SMYD1: variants seen among roughly 807,000 people sequenced by gnomAD.
SMYD1 encodes SET and MYND domain containing 1, also known as histone-lysine N-methyltransferase SMYD1.
A neutral mutation model predicts 54.0 loss-of-function variants in SMYD1; 49 were observed. The ratio of observed to expected loss-of-function variants is 0.91; its 90% CI spans 0.72 to 1.15. The LOEUF (loss-of-function observed/expected upper bound fraction) is 1.15, where lower values mean the gene tolerates loss of function less well. SMYD1 is among the 50% of genes most tolerant of loss of function. SMYD1 has a pLI of 0.00. For missense variants in SMYD1, 653 were observed against 639.6 expected (o/e 1.02, Z -0.23); for synonymous variants, 269 against 234.2 (o/e 1.15, Z -1.36).
Position 88,111,102 on chromosome 2 carries a change from G to C in SMYD1, c.*590G>C, listed in dbSNP as rs1262604128. 2 of 152,490 alleles carry C rather than the reference G, an allele frequency of 1.3e-5. No homozygotes were observed. The highest frequency in any genetic ancestry group is 4.8e-5 in the African/African-American group (2 of 41,454). 9.4% of individuals were successfully genotyped at this position (152,490 alleles called of 1,614,324 possible). A position where few individuals can be genotyped will look rare whatever the true frequency, so the allele number is the denominator to read the frequency against. On this transcript the variant is annotated 3_prime_UTR_variant, in exon 10 of 10. Transcript: ENST00000419482. ...TGTGGAGTTTTGAAGAAGGGGCTGT[G>C]TTTGGGCCACGTAGGCTCTACTCAG...
chr2:88,100,005 C>T (rs918282788), intron 6 of SMYD1, among the ~76,000 whole-genome samples: 12 of 150,678 alleles, frequency 8.0e-5, no homozygotes, highest in Non-Finnish European at 1.5e-4. Flanking sequence ...TGGCTCCTCC[C>T]CCAGCCCCTC....
chr2:88,083,230 C>T (rs1055553403), intron 1 of SMYD1: 22 of 152,182 alleles, frequency 1.4e-4, no homozygotes, highest in African/African-American at 5.3e-4. Flanking sequence ...GTGAGGATTT[C>T]TCTTCCCCAC....
intron 1 of SMYD1, among the ~76,000 whole-genome samples, chr2:88,071,904 C>G (rs1049154945): frequency 4.0e-5 from 6 of 151,682 alleles, no homozygotes; most frequent in African/African-American, 1.5e-4. Context: ...ATCCTCCTAG[C>G]TTCTACATAG....
chr2:88,073,986 C>T (rs1398806096), intron 1 of SMYD1, among the ~76,000 whole-genome samples: 1 of 152,054 alleles, frequency 6.6e-6, no homozygotes, highest in Non-Finnish European at 1.5e-5. Flanking sequence ...ATAACAGATG[C>T]TCAATAAATA....
chr2:88,076,418 T>C (rs185141343), intron 1 of SMYD1, among the ~76,000 whole-genome samples: 58 of 152,158 alleles, frequency 3.8e-4, no homozygotes, highest in African/African-American at 1.4e-3. Flanking sequence ...AGAGACGGGG[T>C]TTCGCCGTGT....
At chr2:88,108,686 C>G (rs1411762130) in intron 9 of SMYD1, 147 bp downstream of exon 9, 1 of 715,680 alleles carries the variant, frequency 1.4e-6, no homozygotes, top group Non-Finnish European at 2.2e-6. Context: ...GCCCACTACC[C>G]TTGTGTGTTA....
intron 1 of SMYD1, among the ~76,000 whole-genome samples, chr2:88,075,534 C>CTTTT (rs35091980): frequency 9.7e-6 from 1 of 103,578 alleles, no homozygotes; most frequent in Non-Finnish European, 1.9e-5. Flanking sequence ...CCTTTTAATT[C>CTTTT]TTTTTTTTTT....
chr2:88,093,002 C>G (rs1320573129), intron 4 of SMYD1, among the ~76,000 whole-genome samples: 1 of 152,228 alleles, frequency 6.6e-6, no homozygotes, highest in Non-Finnish European at 1.5e-5. Context: ...GTCTAGCCAC[C>G]TGCCATAGTG....
intron 7 of SMYD1, among the ~76,000 whole-genome samples, chr2:88,104,529 CCTT>C (rs1674813394): frequency 6.6e-6 from 1 of 152,318 alleles, no homozygotes; most frequent in East Asian, 1.9e-4. Context: ...CGTTTCTTCT[CCTT>C]CTCCATTCAG....
chr2:88,105,706 G>A (rs1412594029), intron 7 of SMYD1, among the ~76,000 whole-genome samples: 1 of 152,188 alleles, frequency 6.6e-6, no homozygotes, highest in Non-Finnish European at 1.5e-5. Flanking sequence ...GGGAGGCTGA[G>A]GTGGGCGGAT....
intron 1 of SMYD1, among the ~76,000 whole-genome samples, chr2:88,069,279 A>G (rs1673897760): frequency 6.6e-6 from 1 of 152,162 alleles, no homozygotes; most frequent in Admixed American, 6.5e-5. Flanking sequence ...CCCACAGATA[A>G]CTTGATTAGT....
chr2:88,100,149 A>C (rs937343537), intron 6 of SMYD1, among the ~76,000 whole-genome samples: 1 of 152,128 alleles, frequency 6.6e-6, no homozygotes, highest in African/African-American at 2.4e-5. Flanking sequence ...CCTGTCTGCA[A>C]ATCAGAGTGT....
Position 88,067,965 on chromosome 2 carries a change from T to C in SMYD1, c.101T>C (p.Phe34Ser), listed in dbSNP as rs980374882. ...GAGTTCTGGGCTGCAGATATCATCT[T>C]TGCTGAGCGGGCTTATTCCGCAGTG... ...TKEFWAADII[F>S]AERAYSAVVF... The change falls in exon 1 of 10, where the codon TTT becomes TCT. Residue 34 changes from phenylalanine (F) to serine (S), a missense_variant. By Grantham distance (155) the Phe-to-Ser change is radical (BLOSUM62 -2). Coordinates refer to ENST00000419482, the MANE Select transcript of SMYD1 (RefSeq NM_198274.4). The C allele has an allele frequency of 6.2e-7, 1 of 1,613,856 alleles. No homozygotes were observed. Among genetic ancestry groups the C allele is most frequent in the Non-Finnish European group, 8.5e-7 (1 of 1,180,028 alleles).
intron 7 of SMYD1, among the ~76,000 whole-genome samples, chr2:88,105,059 C>G (rs563767878): frequency 9.7e-4 from 148 of 152,300 alleles, no homozygotes; most frequent in Admixed American, 2.6e-3. Context: ...AACTACACAT[C>G]CAGGGTTTCT....
intron 1 of SMYD1, among the ~76,000 whole-genome samples, chr2:88,070,944 A>C (rs1183413683): frequency 1.0e-5 from 1 of 95,502 alleles, no homozygotes; most frequent in African/African-American, 4.7e-5. Flanking sequence ...CTATTTCTCA[A>C]AAAAAAAAAA....
At chr2:88,080,993 C>T (rs1305373106) in intron 1 of SMYD1, among the ~76,000 whole-genome samples, 1 of 151,382 alleles carries the variant, frequency 6.6e-6, no homozygotes, top group Non-Finnish European at 1.5e-5. Flanking sequence ...ACCTCTGCCT[C>T]CCTGGTTCAA....
Position 88,091,976 on chromosome 2 carries a change from C to A in SMYD1, c.659+834C>A, listed in dbSNP as rs910457250. On this transcript the variant is annotated intron_variant, in intron 4 of 9. Coordinates refer to ENST00000419482, the MANE Select transcript of SMYD1 (RefSeq NM_198274.4). ...ACATGAAACCATCACCACCTCTAGG[C>A]CTGGAAGGGCAGGTGAAGGAAGCAC... Among the ~76,000 whole-genome samples, 5 of 152,182 alleles carry A rather than the reference C, an allele frequency of 3.3e-5. No homozygotes were observed. The East Asian group carries it at 5.8e-4, about 18-fold the overall frequency.
chr2:88,096,750 A>G lies in SMYD1; in HGVS notation c.854A>G (p.Asp285Gly), dbSNP rs1328050573. Residue 285 changes from aspartate (D) to glycine (G), a missense_variant, in exon 6 of 10, where the codon GAT (aspartate) becomes GGT (glycine). Coordinates refer to ENST00000419482, the MANE Select transcript of SMYD1 (RefSeq NM_198274.4). Reference protein sequence around the residue: ...TCEHCQKKLKDDLFLGVKDNP... With the variant: ...TCEHCQKKLKGDLFLGVKDNP... ...GAACACTGCCAGAAAAAACTGAAGG[A>G]TGACCTCTTCCTGGGGGTGAAAGAC... The G allele has an allele frequency of 6.2e-7, 1 of 1,614,162 alleles. No homozygotes were observed. Among genetic ancestry groups the G allele is most frequent in the Admixed American group, 1.7e-5 (1 of 60,012 alleles).
At chr2:88,106,741 A>G (rs1022689389) in intron 8 of SMYD1, among the ~76,000 whole-genome samples, 1 of 152,140 alleles carries the variant, frequency 6.6e-6, no homozygotes, top group African/African-American at 2.4e-5. Context: ...CACATCTATC[A>G]CTTGGGTGGC....
Sources: gnomAD v4.1 joint callset for allele counts (sites outside exome capture counted in the v4.1 genomes callset) on GRCh38, gnomAD v4.1.1 for gene constraint, MANE v1.5 for transcripts, NCBI Gene and HGNC (gene_info 2026-07-23, HGNC 2026-07-21) for gene names.